Variants in MACROD2 observed in about 807,000 individuals in gnomAD.
MACROD2 encodes mono-ADP ribosylhydrolase 2.
MACROD2 carries 36 observed loss-of-function variants against 70.4 expected under a neutral mutation model. The observed-to-expected ratio is 0.51, with a 90% CI of 0.39 to 0.68. MACROD2 has a LOEUF of 0.68. Ranked by LOEUF, MACROD2 falls within the 30% of genes least tolerant of loss-of-function variation. The pLI is 0.00. For synonymous variants in MACROD2, 172 were observed against 178.8 expected (o/e 0.96, Z 0.30); for missense variants, 496 against 538.4 (o/e 0.92, Z 0.78).
intron 5 of MACROD2, among the ~76,000 whole-genome samples, chr20:15,202,553 C>A (rs2076665623): frequency 6.6e-6 from 1 of 152,042 alleles, no homozygotes; most frequent in Non-Finnish European, 1.5e-5. Context: ...CTTTTAAGTT[C>A]ATCTATTTTT....
chr20:16,035,395 G>A (rs2067221302), intron 15 of MACROD2, among the ~76,000 whole-genome samples: 1 of 151,460 alleles, frequency 6.6e-6, no homozygotes. Flanking sequence ...CAGAGGAAAA[G>A]AAGTGAGCAG....
intron 3 of MACROD2, among the ~76,000 whole-genome samples, chr20:14,362,235 A>G (rs1344519607): frequency 2.0e-5 from 3 of 152,226 alleles, no homozygotes. Context: ...GCACTTTCTT[A>G]ATCTTGATAC....
At chr20:15,151,656 G>A (rs2076270922) in intron 5 of MACROD2, among the ~76,000 whole-genome samples, 1 of 151,996 alleles carries the variant, frequency 6.6e-6, no homozygotes, top group African/African-American at 2.4e-5. Flanking sequence ...GAACTGGGCT[G>A]GATTTTTATA....
intron 8 of MACROD2, among the ~76,000 whole-genome samples, chr20:15,694,857 G>T (rs917851066): frequency 1.3e-5 from 2 of 152,106 alleles, no homozygotes; most frequent in Admixed American, 6.6e-5. Flanking sequence ...TCAGGTCTTA[G>T]GTTTAAGTTC....
chr20:14,125,866 G>T (rs1337964830), intron 3 of MACROD2, among the ~76,000 whole-genome samples: 2 of 152,156 alleles, frequency 1.3e-5, no homozygotes, highest in Non-Finnish European at 2.9e-5. Flanking sequence ...ATTGGATTGG[G>T]TTGGACTGGA....
At chr20:15,022,836 A>G (rs2075199070) in intron 5 of MACROD2, 1 of 152,198 alleles carries the variant, frequency 6.6e-6, no homozygotes, top group African/African-American at 2.4e-5. Flanking sequence ...AACTTCTGAT[A>G]TTTATATGGT....
chr20:14,348,957 A>G (rs971738701), intron 3 of MACROD2, among the ~76,000 whole-genome samples: 1 of 152,086 alleles, frequency 6.6e-6, no homozygotes, highest in African/African-American at 2.4e-5. Context: ...GGTTCCAGCT[A>G]CTTGGGAGGC....
chr20:14,469,755 G>A (rs192783793), intron 3 of MACROD2, among the ~76,000 whole-genome samples: 2 of 151,638 alleles, frequency 1.3e-5, no homozygotes, highest in African/African-American at 4.8e-5. Context: ...CGAAGTTCTC[G>A]TGCTGTGTTT....
intron 3 of MACROD2, among the ~76,000 whole-genome samples, chr20:14,361,140 C>T (rs1260737383): frequency 6.6e-6 from 1 of 152,154 alleles, no homozygotes; most frequent in Admixed American, 6.5e-5. Context: ...TTGAAAGTGG[C>T]TCTTTGAGGA....
At chr20:14,610,068 T>G (rs1250443691) in intron 4 of MACROD2, among the ~76,000 whole-genome samples, 1 of 152,138 alleles carries the variant, frequency 6.6e-6, no homozygotes, top group Non-Finnish European at 1.5e-5. Context: ...TGTAACCAGA[T>G]CCAAATGTTC....
At chr20:14,684,995 A>G in intron 5 of MACROD2, 36 bp downstream of exon 5, 1 of 1,514,930 alleles carries the variant, frequency 6.6e-7, no homozygotes, top group Non-Finnish European at 9.2e-7. Flanking sequence ...AAACCAGATG[A>G]GACATCTTAA....
intron 5 of MACROD2, among the ~76,000 whole-genome samples, chr20:14,885,842 C>T (rs1339901152): frequency 6.6e-6 from 1 of 152,208 alleles, no homozygotes; most frequent in Non-Finnish European, 1.5e-5. Context: ...TTCAATTGCT[C>T]ACTTCCTCTG....
intron 3 of MACROD2, among the ~76,000 whole-genome samples, chr20:14,164,473 G>A (rs1031524919): frequency 2.0e-5 from 3 of 152,206 alleles, no homozygotes; most frequent in African/African-American, 7.2e-5. Context: ...GGTCAGGCAG[G>A]TAGGCAGGTT....
At chr20:14,693,190 G>A (rs1181002896) in intron 5 of MACROD2, among the ~76,000 whole-genome samples, 1 of 152,142 alleles carries the variant, frequency 6.6e-6, no homozygotes, top group African/African-American at 2.4e-5. Flanking sequence ...ACCACAGTGG[G>A]GGTAATCAGC....
At chr20:14,121,016 A>G (rs989368969) in intron 3 of MACROD2, among the ~76,000 whole-genome samples, 3 of 150,564 alleles carry the variant, frequency 2.0e-5, no homozygotes, top group African/African-American at 4.9e-5. Context: ...TACAGGTACC[A>G]TTTTTTTTTA....
intron 3 of MACROD2, among the ~76,000 whole-genome samples, chr20:14,359,966 G>A (rs1601526624): frequency 1.3e-5 from 2 of 152,208 alleles, no homozygotes; most frequent in Admixed American, 6.5e-5. Flanking sequence ...ATGGATTAAC[G>A]TGGAGAACGT....
At chr20:14,303,866 A>G (rs1190841489) in intron 3 of MACROD2, among the ~76,000 whole-genome samples, 1 of 152,150 alleles carries the variant, frequency 6.6e-6, no homozygotes, top group African/African-American at 2.4e-5. Context: ...GGGTCTTCTA[A>G]TGAAGGATAG....
At chr20:15,059,333 C>T (rs907388306) in intron 5 of MACROD2, among the ~76,000 whole-genome samples, 7 of 151,390 alleles carry the variant, frequency 4.6e-5, no homozygotes, top group East Asian at 1.9e-4. Flanking sequence ...TGCAGTGAAC[C>T]GAGATCACAC....
chr20:14,639,792 A>G (rs1176510907), intron 4 of MACROD2, among the ~76,000 whole-genome samples: 1 of 152,218 alleles, frequency 6.6e-6, no homozygotes, highest in East Asian at 1.9e-4. Flanking sequence ...CCACTTAAGT[A>G]TTATGAATGA....
Sources: gnomAD v4.1 joint callset for allele counts (sites outside exome capture counted in the v4.1 genomes callset) on GRCh38, gnomAD v4.1.1 for gene constraint, MANE v1.5 for transcripts, NCBI Gene and HGNC (gene_info 2026-07-23, HGNC 2026-07-21) for gene names.